The following SPMAP2L variants were observed in gnomAD, a reference collection of about 807,000 sequenced individuals.
The protein encoded by SPMAP2L is sperm microtubule associated protein 2 like.
chr4:56,589,087 C>A, the SPMAP2L span, among the ~76,000 whole-genome samples: 152 of 152,166 alleles, frequency 1.0e-3, 2 homozygotes, highest in Middle Eastern at 3.4e-3. Context: ...CTCCCAGGTT[C>A]AAGTGATTCT....
chr4:56,535,448 G>GTTCTC, the SPMAP2L span, among the ~76,000 whole-genome samples: 131 of 152,208 alleles, frequency 8.6e-4, no homozygotes, highest in African/African-American at 2.9e-3. Flanking sequence ...GTCCTGTTCT[G>GTTCTC]TTCTGTTCTA....
At chr4:56,565,849 C>G in the SPMAP2L span, among the ~76,000 whole-genome samples, 1 of 151,936 alleles carries the variant, frequency 6.6e-6, no homozygotes, top group Non-Finnish European at 1.5e-5. Context: ...ACAAATTGAC[C>G]CTTTTTTATC....
At chr4:56,553,744 T>G in the SPMAP2L span, among the ~76,000 whole-genome samples, 1 of 152,148 alleles carries the variant, frequency 6.6e-6, no homozygotes, top group Non-Finnish European at 1.5e-5. Context: ...GCTTTATGGG[T>G]TTGACAAATG....
At chr4:56,570,255 G>A in the SPMAP2L span, among the ~76,000 whole-genome samples, 2 of 152,142 alleles carry the variant, frequency 1.3e-5, no homozygotes, top group Non-Finnish European at 2.9e-5. Context: ...CTGAATAGTT[G>A]ATGCCTTCAT....
At chr4:56,599,761 C>T in the SPMAP2L span, among the ~76,000 whole-genome samples, 45 of 152,288 alleles carry the variant, frequency 3.0e-4, no homozygotes, top group Non-Finnish European at 5.1e-4. Context: ...GCATAGTATT[C>T]CATGGTGTGT....
chr4:56,586,007 T>G, the SPMAP2L span, among the ~76,000 whole-genome samples: 4,186 of 152,226 alleles, frequency 0.027, 187 homozygotes, highest in African/African-American at 0.093. Flanking sequence ...AATGATTTTA[T>G]TATGTTCAAG....
the SPMAP2L span, chr4:56,592,930 C>T: frequency 5.0e-6 from 8 of 1,605,408 alleles, no homozygotes; most frequent in Admixed American, 1.7e-5. Context: ...ATGAATTGAT[C>T]GAGAAGACGG....
the SPMAP2L span, among the ~76,000 whole-genome samples, chr4:56,582,271 A>C: frequency 6.6e-6 from 1 of 152,184 alleles, no homozygotes; most frequent in African/African-American, 2.4e-5. Context: ...AACCCACAAA[A>C]TAGGAGAAAA....
the SPMAP2L span, chr4:56,595,726 C>G: frequency 8.4e-6 from 8 of 952,878 alleles, no homozygotes; most frequent in Non-Finnish European, 1.2e-5. Context: ...TCTTAGTCCT[C>G]TCTCCCTAAG....
chr4:56,599,624 A>G, the SPMAP2L span, among the ~76,000 whole-genome samples: 1 of 151,094 alleles, frequency 6.6e-6, no homozygotes. Context: ...TCATTGTTCA[A>G]CTCCTTCTTA....
chr4:56,617,874 C>T, the SPMAP2L span, among the ~76,000 whole-genome samples: 5 of 152,146 alleles, frequency 3.3e-5, no homozygotes, highest in African/African-American at 4.8e-5. Context: ...GGAGTCAGGT[C>T]GCCTCTGACT....
the SPMAP2L span, chr4:56,584,707 T>G: frequency 2.8e-5 from 23 of 833,744 alleles, no homozygotes; most frequent in Non-Finnish European, 4.1e-5. Context: ...TTCCTGTTTA[T>G]TTTTCCCTCT....
At chr4:56,609,428 A>G in the SPMAP2L span, among the ~76,000 whole-genome samples, 5 of 152,170 alleles carry the variant, frequency 3.3e-5, no homozygotes, top group African/African-American at 1.2e-4. Flanking sequence ...TCATTCATTT[A>G]TATCTGATTT....
the SPMAP2L span, among the ~76,000 whole-genome samples, chr4:56,575,993 G>A: frequency 6.6e-6 from 1 of 152,138 alleles, no homozygotes; most frequent in African/African-American, 2.4e-5. Context: ...TGCTTTGAAG[G>A]CTGAATTTCT....
At chr4:56,580,764 G>A in the SPMAP2L span, among the ~76,000 whole-genome samples, 3 of 152,160 alleles carry the variant, frequency 2.0e-5, no homozygotes, top group South Asian at 6.2e-4. Context: ...AAGACTATTA[G>A]AGCTAATAAA....
chr4:56,594,026 C>G, the SPMAP2L span: 42 of 1,611,192 alleles, frequency 2.6e-5, no homozygotes, highest in Non-Finnish European at 3.3e-5. Flanking sequence ...CGCTCAGCGG[C>G]AGATCAATTT....
chr4:56,593,544 T>G, the SPMAP2L span: 4 of 1,599,858 alleles, frequency 2.5e-6, no homozygotes, highest in Non-Finnish European at 3.4e-6. Flanking sequence ...GCTACTGACC[T>G]TTTAGCTTTG....
chr4:56,592,412 A>G, the SPMAP2L span, among the ~76,000 whole-genome samples: 1 of 152,184 alleles, frequency 6.6e-6, no homozygotes, highest in East Asian at 1.9e-4. Context: ...TATTGCCTCA[A>G]TGTCTTTAGT....
chr4:56,609,020 T>C, the SPMAP2L span, among the ~76,000 whole-genome samples: 1 of 151,894 alleles, frequency 6.6e-6, no homozygotes, highest in Non-Finnish European at 1.5e-5. Context: ...TATGCTGATA[T>C]CACTATTGTC....
Sources: allele counts gnomAD v4.1 joint callset (sites outside exome capture counted in the v4.1 genomes callset), GRCh38; gene constraint gnomAD v4.1.1; transcripts MANE v1.5; gene names NCBI Gene and HGNC (gene_info 2026-07-23, HGNC 2026-07-21).